NOC3L: variants seen among roughly 807,000 people sequenced by gnomAD.
The protein encoded by NOC3L is nucleolar complex protein 3 homolog.
A neutral mutation model predicts 102.5 loss-of-function variants in NOC3L; 85 were observed. The observed-to-expected ratio is 0.83, with a 90% CI of 0.70 to 0.99. NOC3L has a LOEUF of 0.99. Among genes scored for constraint, NOC3L ranks in the 50% least tolerant of loss-of-function variants. NOC3L has a pLI of 0.00. For missense variants in NOC3L, 878 were observed against 914.9 expected, an observed-to-expected ratio of 0.96 and a Z score of 0.52; for synonymous variants, 303 against 309.4, an observed-to-expected ratio of 0.98 and a Z score of 0.22.
intron 2 of NOC3L, among the ~76,000 whole-genome samples, chr10:94,360,556 G>A (rs2054540670): frequency 6.6e-6 from 1 of 152,020 alleles, no homozygotes; most frequent in Non-Finnish European, 1.5e-5. Flanking sequence ...GTTACCACTG[G>A]CTGGGAAAGG....
At chr10:94,337,618 T>C (rs1234923050) in intron 19 of NOC3L, among the ~76,000 whole-genome samples, 159 bp downstream of exon 19, 1 of 152,246 alleles carries the variant, frequency 6.6e-6, no homozygotes, top group Non-Finnish European at 1.5e-5. Flanking sequence ...ATAGCATGTT[T>C]TCTTTCAGAA....
intron 16 of NOC3L, 99 bp from the exon 17 acceptor site, chr10:94,340,019 G>T: frequency 9.5e-7 from 1 of 1,047,442 alleles, no homozygotes; most frequent in Non-Finnish European, 1.4e-6. Context: ...TTTTGTACCT[G>T]TCCCAAACCA....
chr10:94,358,270 T>G (rs923902569), intron 2 of NOC3L, 55 bp from the exon 3 acceptor site: 1 of 957,728 alleles, frequency 1.0e-6, no homozygotes, highest in Non-Finnish European at 1.6e-6. Flanking sequence ...ATCAGAGATG[T>G]AGAACTCTCT....
rs74153306 is a variant in NOC3L, at chr10:94,333,419, T to C, written c.*758A>G. On this transcript the variant is annotated 3_prime_UTR_variant, in exon 21 of 21. Transcript: ENST00000371361. ...TCCAAGAGGGGAAAAAAGCTCCTCA[T>C]TGAGTATCCTTTGTCTCTAGATCAG... 2.6e-5 allele frequency: 4 copies of C among 152,302 alleles called. No individual in the cohort carries two copies. The highest frequency in any genetic ancestry group is 2.1e-4 in the South Asian group (1 of 4,834). 9.4% of individuals were successfully genotyped at this position (152,302 alleles called of 1,614,324 possible).
chr10:94,355,565 T>C (rs548215091), intron 5 of NOC3L, among the ~76,000 whole-genome samples: 39 of 151,988 alleles, frequency 2.6e-4, no homozygotes, highest in Middle Eastern at 3.4e-3. Context: ...ATTTTTGTGT[T>C]TTTTGTAGAG....
intron 8 of NOC3L, among the ~76,000 whole-genome samples, chr10:94,351,511 C>G (rs1237193612): frequency 6.6e-6 from 1 of 152,052 alleles, no homozygotes; most frequent in Non-Finnish European, 1.5e-5. Flanking sequence ...ATATCCATTT[C>G]TAGTTATCCT....
intron 11 of NOC3L, 47 bp from the exon 12 acceptor site, chr10:94,344,980 G>A (rs757590883): frequency 1.4e-6 from 2 of 1,383,916 alleles, no homozygotes; most frequent in Non-Finnish European, 1.0e-6. Flanking sequence ...ATACCACAGA[G>A]TGAAAAAAGC....
chr10:94,352,790 C>T, intron 7 of NOC3L, 106 bp downstream of exon 7: 2 of 951,104 alleles, frequency 2.1e-6, no homozygotes, highest in Non-Finnish European at 1.6e-6. Flanking sequence ...CCACTGCACT[C>T]TAGTCTGGGC....
chr10:94,360,461 C>T (rs79746649), intron 2 of NOC3L, among the ~76,000 whole-genome samples: 10,174 of 152,112 alleles, frequency 0.067, 399 homozygotes, highest in Middle Eastern at 0.14. Flanking sequence ...AAGCTAGGCA[C>T]AGAAAGACAA....
chr10:94,341,210 G>C (rs1425391698), intron 14 of NOC3L, among the ~76,000 whole-genome samples: 1 of 151,482 alleles, frequency 6.6e-6, no homozygotes, highest in Non-Finnish European at 1.5e-5. Flanking sequence ...TTATCTTTAA[G>C]ATAACCTAGT....
At position 94,340,508 on chromosome 10, in the gene NOC3L, A is replaced by G. The variant is rs1318880922; in HGVS notation, c.1645-12T>C. On this transcript the variant is annotated splice_polypyrimidine_tract_variant and intron_variant, in intron 14 of 20. Coordinates refer to ENST00000371361, the MANE Select transcript of NOC3L (RefSeq NM_022451.11). Reference sequence around the variant, plus strand: ...TGATAGCTTAGGTCCTTTAAAAAAAAAAGGGGGGGGTGAGGGGGATGGAAT... The same window carrying G: ...TGATAGCTTAGGTCCTTTAAAAAAAGAAGGGGGGGGTGAGGGGGATGGAAT... 9.0e-7 allele frequency: 1 copy of G among 1,115,368 alleles called. No individual in the cohort carries two copies. Among genetic ancestry groups the G allele is most frequent in the African/African-American group, 1.6e-5 (1 of 60,834 alleles). 69.1% of individuals were successfully genotyped at this position (1,115,368 alleles called of 1,614,324 possible). A position where few individuals can be genotyped will look rare whatever the true frequency, so the allele number is the denominator to read the frequency against.
chr10:94,334,317 T>C lies in NOC3L; in HGVS notation c.2275-12A>G, dbSNP rs1171598378. 6.5e-7 allele frequency: 1 copy of C among 1,542,732 alleles called. No individual in the cohort carries two copies. Among genetic ancestry groups the C allele is most frequent in the Admixed American group, 1.7e-5 (1 of 58,836 alleles). On this transcript the variant is annotated splice_polypyrimidine_tract_variant and intron_variant, in intron 20 of 20. Transcript: ENST00000371361. ...TGTAAAAATTTACCCTAGGAAAATATTTAAAGTATGAGTTAGAAGTTACTT... is the reference window on the plus strand; with the variant it reads ...TGTAAAAATTTACCCTAGGAAAATACTTAAAGTATGAGTTAGAAGTTACTT...
chr10:94,339,485 T>C (rs1315572065), intron 17 of NOC3L, among the ~76,000 whole-genome samples: 1 of 152,186 alleles, frequency 6.6e-6, no homozygotes, highest in Non-Finnish European at 1.5e-5. Flanking sequence ...TGTTTATATA[T>C]GAACTTTAAA....
chr10:94,326,011 C>CTA, the NOC3L span, among the ~76,000 whole-genome samples: 1 of 152,152 alleles, frequency 6.6e-6, no homozygotes, highest in African/African-American at 2.4e-5. Flanking sequence ...AAATTTCATT[C>CTA]TATCTTAAAG....
At chr10:94,334,774 ATAAT>A in intron 19 of NOC3L, 56 bp from the exon 20 acceptor site, 13 of 1,188,822 alleles carry the variant, frequency 1.1e-5, no homozygotes, top group Non-Finnish European at 2.5e-6. Flanking sequence ...TAACTCAAAA[ATAAT>A]TAGATTATAC....
chr10:94,334,778 T>C (rs2054199302), intron 19 of NOC3L, 60 bp from the exon 20 acceptor site: 1 of 1,160,716 alleles, frequency 8.6e-7, no homozygotes, highest in African/African-American at 1.5e-5. Flanking sequence ...TCAAAAATAA[T>C]TAGATTATAC....
chr10:94,360,850 A>G (rs191272250), intron 2 of NOC3L, among the ~76,000 whole-genome samples: 85 of 151,188 alleles, frequency 5.6e-4, no homozygotes, highest in Admixed American at 3.9e-3. Flanking sequence ...CAAAATTAGA[A>G]AAAAAAAAAA....
chr10:94,353,733 T>C (rs984965456), intron 6 of NOC3L, among the ~76,000 whole-genome samples: 5 of 152,216 alleles, frequency 3.3e-5, no homozygotes, highest in African/African-American at 7.2e-5. Context: ...GGGAAATTCT[T>C]TTTTGCTGGA....
intron 14 of NOC3L, among the ~76,000 whole-genome samples, chr10:94,340,752 C>A (rs559024338): frequency 1.3e-5 from 2 of 151,400 alleles, no homozygotes; most frequent in Non-Finnish European, 1.5e-5. Context: ...GAGGCCGAGG[C>A]GGGCAGATCA....
Sources: allele counts gnomAD v4.1 joint callset (sites outside exome capture counted in the v4.1 genomes callset), GRCh38; gene constraint gnomAD v4.1.1; transcripts MANE v1.5; gene names NCBI Gene and HGNC (gene_info 2026-07-23, HGNC 2026-07-21).